Variants in ABI3BP observed in about 807,000 individuals in gnomAD.
The protein encoded by ABI3BP is target of Nesh-SH3.
A neutral mutation model predicts 268.6 loss-of-function variants in ABI3BP; 216 were observed. The observed-to-expected ratio is 0.80, with a 90% CI of 0.72 to 0.90. The LOEUF (loss-of-function observed/expected upper bound fraction) is 0.90. ABI3BP is among the 40% of genes least tolerant of loss of function. ABI3BP has a pLI of 0.00. For synonymous variants in ABI3BP, 730 were observed against 730.0 expected (o/e 1.00, Z 0.00); for missense variants, 2,090 against 2,182.4 (o/e 0.96, Z 0.84).
At position 100,804,832 on chromosome 3, in the gene ABI3BP, T is replaced by C. The variant is rs772387599; in HGVS notation, c.3717A>G (p.Pro1239=). The C allele has an allele frequency of 1.2e-6, 2 of 1,613,208 alleles. No individual in the cohort carries two copies. Among genetic ancestry groups the C allele is most frequent in the Non-Finnish European group, 1.7e-6 (2 of 1,179,270 alleles). ...PKVPQRVTAK[P]KTSPSPEVSY... ...ACACTTCTGGACTTGGTGACGTTTT[T>C]GGTTTTGCAGTAACACGCTGGGGCA... The change falls in exon 51 of 68, where the codon CCA becomes CCG. Residue 1239 remains proline (P), a synonymous_variant. Transcript: ENST00000471714.
chr3:100,898,404 A>G (rs182924135), intron 4 of ABI3BP, among the ~76,000 whole-genome samples: 2 of 152,328 alleles, frequency 1.3e-5, no homozygotes, highest in East Asian at 1.9e-4. Context: ...AAGAGCTTCA[A>G]TTGTGAGATC....
chr3:100,849,587 A>G (rs1392908244), intron 17 of ABI3BP, among the ~76,000 whole-genome samples: 2 of 152,050 alleles, frequency 1.3e-5, no homozygotes, highest in Non-Finnish European at 2.9e-5. Flanking sequence ...CGCTATTTCA[A>G]TAATTTTCTG....
At chr3:100,915,154 C>T (rs2058167443) in intron 2 of ABI3BP, among the ~76,000 whole-genome samples, 1 of 152,136 alleles carries the variant, frequency 6.6e-6, no homozygotes, top group East Asian at 1.9e-4. Flanking sequence ...TCTCTTCCCC[C>T]TCCACTTACT....
chr3:100,963,092 T>G (rs781711847), intron 1 of ABI3BP, among the ~76,000 whole-genome samples: 12 of 152,192 alleles, frequency 7.9e-5, no homozygotes, highest in Admixed American at 2.0e-4. Context: ...CTGGGTCAAG[T>G]ACTGTACATA....
chr3:100,816,040 T>G, intron 43 of ABI3BP, 69 bp from the exon 44 acceptor site: 1 of 1,162,360 alleles, frequency 8.6e-7, no homozygotes, highest in Non-Finnish European at 1.2e-6. Flanking sequence ...TCAATTTTTA[T>G]TTTAAAACAT....
intron 4 of ABI3BP, among the ~76,000 whole-genome samples, chr3:100,887,951 T>G (rs2042737646): frequency 6.6e-6 from 1 of 152,056 alleles, no homozygotes; most frequent in East Asian, 1.9e-4. Context: ...AGCAGAGCAT[T>G]AAACCAAATT....
At chr3:100,787,630 A>C (rs573946284) in intron 57 of ABI3BP, 98 bp downstream of exon 57, 1 of 1,077,152 alleles carries the variant, frequency 9.3e-7, no homozygotes, top group East Asian at 2.8e-5. Flanking sequence ...AAAAACTGGT[A>C]AAAAGGAAAT....
intron 14 of ABI3BP, among the ~76,000 whole-genome samples, chr3:100,855,199 T>G (rs2098926774): frequency 6.6e-6 from 1 of 152,206 alleles, no homozygotes; most frequent in African/African-American, 2.4e-5. Context: ...GTGCTGGGAT[T>G]ACAGGCACAA....
intron 1 of ABI3BP, among the ~76,000 whole-genome samples, chr3:100,928,827 T>C (rs140345793): frequency 1.3e-5 from 2 of 152,192 alleles, no homozygotes; most frequent in East Asian, 3.9e-4. Flanking sequence ...CTCTTTTCAC[T>C]GAGAACTTTG....
chr3:100,804,855 G>A lies in ABI3BP; in HGVS notation c.3694C>T (p.Pro1232Ser). 1.2e-6 allele frequency: 2 copies of A among 1,612,864 alleles called. No individual in the cohort carries two copies. Among genetic ancestry groups the A allele is most frequent in the South Asian group, 2.2e-5 (2 of 91,062 alleles). Residue 1232 changes from proline (P) to serine (S), a missense_variant, in exon 51 of 68, where the codon CCC becomes TCC. Transcript: ENST00000471714. ...IPQTQPVPKVPQRVTAKPKTS... is the reference protein window; with the variant it reads ...IPQTQPVPKVSQRVTAKPKTS... ...TTTGGTTTTGCAGTAACACGCTGGG[G>A]CACCTTAGGAACTGAAAGAGAGAAC...
intron 14 of ABI3BP, among the ~76,000 whole-genome samples, 187 bp from the exon 15 acceptor site, chr3:100,852,127 CT>C (rs2098848844): frequency 6.6e-6 from 1 of 152,120 alleles, no homozygotes; most frequent in South Asian, 2.1e-4. Context: ...GCCTTTGGTC[CT>C]TTTTTGCTCT....
chr3:100,982,523 A>T (rs1175719672), intron 1 of ABI3BP, among the ~76,000 whole-genome samples: 1 of 150,858 alleles, frequency 6.6e-6, no homozygotes, highest in African/African-American at 2.4e-5. Flanking sequence ...AATGGCAAAA[A>T]CCACAGTTAC....
intron 1 of ABI3BP, among the ~76,000 whole-genome samples, chr3:100,954,687 C>T (rs1259344368): frequency 6.6e-6 from 1 of 152,154 alleles, no homozygotes; most frequent in African/African-American, 2.4e-5. Flanking sequence ...ACCTTTACAT[C>T]ACACATGGAT....
chr3:100,801,976 G>T (rs1401841862), intron 51 of ABI3BP, among the ~76,000 whole-genome samples: 2 of 152,140 alleles, frequency 1.3e-5, no homozygotes, highest in Non-Finnish European at 2.9e-5. Context: ...TTAGGTGAAT[G>T]TCCAATCAGG....
chr3:100,968,915 T>C (rs2082387859), intron 1 of ABI3BP, among the ~76,000 whole-genome samples: 1 of 152,124 alleles, frequency 6.6e-6, no homozygotes, highest in African/African-American at 2.4e-5. Flanking sequence ...GTTCAACTCA[T>C]AATTTGCTGT....
chr3:100,900,835 G>C (rs1410081615), intron 3 of ABI3BP, among the ~76,000 whole-genome samples: 1 of 152,060 alleles, frequency 6.6e-6, no homozygotes, highest in Admixed American at 6.6e-5. Context: ...TTCCTGAGCT[G>C]GTCATAAAGT....
chr3:100,877,495 C>T (rs1315792272), intron 6 of ABI3BP, among the ~76,000 whole-genome samples: 2 of 152,216 alleles, frequency 1.3e-5, no homozygotes, highest in African/African-American at 4.8e-5. Flanking sequence ...TCTGCTTCCT[C>T]TCCTCACCCA....
At chr3:100,974,495 G>A (rs2713796) in intron 1 of ABI3BP, among the ~76,000 whole-genome samples, 150,026 of 152,284 alleles carry the variant, frequency 0.99, 73,933 homozygotes, top group East Asian at 1. Flanking sequence ...GGAAAAAAAC[G>A]GACAAAAAAA....
At chr3:100,866,784 C>T in intron 10 of ABI3BP, 95 bp downstream of exon 10, 3 of 1,012,782 alleles carry the variant, frequency 3.0e-6, no homozygotes, top group Non-Finnish European at 4.4e-6. Context: ...AATGTATTTC[C>T]TACTGGCTCT....
Sources: gnomAD v4.1 joint callset for allele counts (sites outside exome capture counted in the v4.1 genomes callset) on GRCh38, gnomAD v4.1.1 for gene constraint, MANE v1.5 for transcripts, NCBI Gene and HGNC (gene_info 2026-07-23, HGNC 2026-07-21) for gene names.